RBKS: variants seen among roughly 807,000 people sequenced by gnomAD.
The protein encoded by RBKS is ribokinase.
RBKS carries 33 observed loss-of-function variants against 33.9 expected under a neutral mutation model. The observed-to-expected ratio is 0.97, with a 90% confidence interval of 0.74 to 1.30. RBKS has a LOEUF of 1.30. RBKS is among the 50% of genes most tolerant of loss of function. The pLI is 0.00. For missense variants in RBKS, 361 were observed against 392.6 expected (o/e 0.92, Z 0.68); for synonymous variants, 125 against 143.0 (o/e 0.87, Z 0.90).
At chr2:27,863,002 T>TAA (rs35668375) in intron 1 of RBKS, among the ~76,000 whole-genome samples, 50,246 of 145,864 alleles carry the variant, frequency 0.34, 9,880 homozygotes, top group East Asian at 0.63. Context: ...TTGTTCTAAT[T>TAA]AAAAAAAAAA....
chr2:27,821,040 CAAAAAAAAAAAAAAAA>C (rs59964452), intron 7 of RBKS, among the ~76,000 whole-genome samples: 2 of 68,442 alleles, frequency 2.9e-5, no homozygotes, highest in East Asian at 6.6e-4. Context: ...AACTCCATCT[CAAAAAAAAAAAAAAAA>C]AAAAAAAAGA....
At chr2:27,882,401 G>C (rs1388852361) in intron 1 of RBKS, among the ~76,000 whole-genome samples, 1 of 152,174 alleles carries the variant, frequency 6.6e-6, no homozygotes, top group Non-Finnish European at 1.5e-5. Flanking sequence ...CAGTCAGAAT[G>C]ACTATTACTA....
intron 1 of RBKS, among the ~76,000 whole-genome samples, chr2:27,883,450 C>T (rs143784334): frequency 2.3e-3 from 357 of 152,304 alleles, no homozygotes; most frequent in African/African-American, 8.0e-3. Flanking sequence ...CTGCCCGCCT[C>T]GGCCTCCCAA....
chr2:27,811,065 G>A (rs1266714462), intron 7 of RBKS, among the ~76,000 whole-genome samples: 1 of 152,164 alleles, frequency 6.6e-6, no homozygotes, highest in African/African-American at 2.4e-5. Context: ...ACTATTTGAA[G>A]CAGCACAAAT....
intron 4 of RBKS, among the ~76,000 whole-genome samples, chr2:27,845,052 T>G (rs1367291855): frequency 6.6e-6 from 1 of 152,206 alleles, no homozygotes; most frequent in Non-Finnish European, 1.5e-5. Flanking sequence ...AAACCTAACC[T>G]CAGTCCTAGA....
intron 7 of RBKS, among the ~76,000 whole-genome samples, chr2:27,820,580 T>TC (rs1678183458): frequency 2.0e-5 from 3 of 147,930 alleles, no homozygotes; most frequent in African/African-American, 4.9e-5. Flanking sequence ...TCTCTCTCTC[T>TC]TTCTTTCTTT....
chr2:27,875,906 A>G (rs1176785160), intron 1 of RBKS, among the ~76,000 whole-genome samples: 3 of 152,222 alleles, frequency 2.0e-5, no homozygotes, highest in Admixed American at 6.5e-5. Context: ...GCAAAATTGC[A>G]TAAGAGGACA....
intron 7 of RBKS, among the ~76,000 whole-genome samples, chr2:27,806,127 GC>G (rs1677892257): frequency 1.3e-5 from 2 of 151,506 alleles, no homozygotes; most frequent in East Asian, 3.9e-4. Context: ...CAAACGATTC[GC>G]CCGCCTCGGC....
intron 1 of RBKS, among the ~76,000 whole-genome samples, chr2:27,883,956 T>G (rs1664472805): frequency 6.6e-6 from 1 of 152,232 alleles, no homozygotes; most frequent in Non-Finnish European, 1.5e-5. Flanking sequence ...CACAACTATG[T>G]TTAACAAAAT....
At chr2:27,864,262 A>G (rs1171929837) in intron 1 of RBKS, among the ~76,000 whole-genome samples, 2 of 152,116 alleles carry the variant, frequency 1.3e-5, no homozygotes, top group Non-Finnish European at 1.5e-5. Flanking sequence ...GCCTCAAGCA[A>G]TCCTCCCACC....
At chr2:27,860,558 G>T (rs1244737671) in intron 1 of RBKS, among the ~76,000 whole-genome samples, 1 of 152,130 alleles carries the variant, frequency 6.6e-6, no homozygotes, top group Non-Finnish European at 1.5e-5. Flanking sequence ...CTAACTGTGA[G>T]AATTCATTTA....
At chr2:27,833,769 TC>T (rs1362315478) in intron 5 of RBKS, among the ~76,000 whole-genome samples, 1 of 152,192 alleles carries the variant, frequency 6.6e-6, no homozygotes, top group Non-Finnish European at 1.5e-5. Flanking sequence ...TATATATATT[TC>T]AAGTCTTTAG....
intron 1 of RBKS, among the ~76,000 whole-genome samples, chr2:27,884,534 C>T (rs1664485997): frequency 6.6e-6 from 1 of 152,122 alleles, no homozygotes; most frequent in South Asian, 2.1e-4. Context: ...CTTGAGCCAC[C>T]ACTATGCCTG....
intron 7 of RBKS, among the ~76,000 whole-genome samples, chr2:27,801,462 TATACACACACACACACAC>T (rs1677780773): frequency 2.4e-5 from 2 of 82,990 alleles, no homozygotes; most frequent in African/African-American, 4.6e-5. Context: ...AGGGCCACAG[TATACACACACACACACAC>T]ACACACACAC....
intron 7 of RBKS, among the ~76,000 whole-genome samples, chr2:27,793,857 GA>G (rs1677585139): frequency 6.6e-6 from 1 of 151,812 alleles, no homozygotes. Context: ...CTCTCAAATA[GA>G]AAAAAGGATG....
intron 7 of RBKS, among the ~76,000 whole-genome samples, chr2:27,785,558 T>G (rs1677381082): frequency 6.7e-6 from 1 of 148,296 alleles, no homozygotes; most frequent in African/African-American, 2.5e-5. Context: ...AGGTCAGGAG[T>G]TCAAGACCAG....
chr2:27,797,800 T>C (rs1264931544), intron 7 of RBKS, among the ~76,000 whole-genome samples: 2 of 151,824 alleles, frequency 1.3e-5, no homozygotes, highest in Non-Finnish European at 2.9e-5. Context: ...AGTCGGAGAG[T>C]CTGACCTGGA....
At chr2:27,846,336 C>T (rs1479937845) in intron 4 of RBKS, among the ~76,000 whole-genome samples, 1 of 152,174 alleles carries the variant, frequency 6.6e-6, no homozygotes, top group East Asian at 1.9e-4. Flanking sequence ...CAGAGTCTCA[C>T]TCTGTCACGC....
chr2:27,875,285 C>T (rs1352306249), intron 1 of RBKS, among the ~76,000 whole-genome samples: 1 of 152,190 alleles, frequency 6.6e-6, no homozygotes, highest in Non-Finnish European at 1.5e-5. Context: ...TGGTGTCTCA[C>T]GTCTGTAATC....
Sources: gnomAD v4.1 joint callset for allele counts (sites outside exome capture counted in the v4.1 genomes callset) on GRCh38, gnomAD v4.1.1 for gene constraint, MANE v1.5 for transcripts, NCBI Gene and HGNC (gene_info 2026-07-23, HGNC 2026-07-21) for gene names.